RIF1: variants seen among roughly 807,000 people sequenced by gnomAD.
RIF1 encodes the protein telomere-associated protein RIF1.
A neutral mutation model predicts 247.1 loss-of-function variants in RIF1; 45 were observed. The ratio of observed to expected loss-of-function variants is 0.18; its 90% CI spans 0.14 to 0.23. The LOEUF (loss-of-function observed/expected upper bound fraction) is 0.23, where lower values mean the gene tolerates loss of function less well. Ranked by LOEUF, RIF1 falls within the 10% of genes least tolerant of loss-of-function variation. RIF1 has a pLI of 1.00. For missense variants in RIF1, 2,967 were observed against 2,862.5 expected (o/e 1.04, Z -0.83); for synonymous variants, 1,087 against 978.8 (o/e 1.11, Z -2.06).
At chr2:151,507,751 C>T (rs1208859773) in exon 14 of RIF1, 2 of 419,726 alleles carry the variant, frequency 4.8e-6, no homozygotes, top group Non-Finnish European at 8.6e-6. Flanking sequence ...TGAACCTTGC[C>T]ATGGGTGAGG....
chr2:151,462,569 AAAATTTATTGT>A, intron 29 of RIF1, 103 bp downstream of exon 29: 5 of 747,184 alleles, frequency 6.7e-6, no homozygotes, highest in Non-Finnish European at 1.1e-5. Flanking sequence ...TATTAATTTT[AAAATTTATTGT>A]AGATTTATTG....
intron 9 of RIF1, chr2:151,490,204 A>G: frequency 8.6e-7 from 1 of 1,169,568 alleles, no homozygotes; most frequent in Non-Finnish European, 1.2e-6. Flanking sequence ...GAAATCAAAG[A>G]AAATGAAACA....
At chr2:151,437,386 G>A (rs367560689) in intron 13 of RIF1, 35 bp downstream of exon 13, 2 of 1,528,532 alleles carry the variant, frequency 1.3e-6, no homozygotes, top group African/African-American at 1.4e-5. Context: ...GCTCAAATGT[G>A]TGTTTAAAAA....
chr2:151,416,666 C>T lies in RIF1; in HGVS notation c.386C>T (p.Pro129Leu). 3 of 1,612,694 alleles carry T rather than the reference C, an allele frequency of 1.9e-6. No individual in the cohort carries two copies. Among genetic ancestry groups the T allele is most frequent in the Non-Finnish European group, 2.5e-6 (3 of 1,179,674 alleles). ...TGGGTGATATCTAAGCAGACATTTC[C>T]CTCTGAAGTGGTTGGCAAAATGGTG... ...ALWVISKQTFPSEVVGKMVSS... is the reference protein window; with the variant it reads ...ALWVISKQTFLSEVVGKMVSS... Residue 129 changes from proline to leucine, a missense_variant, in exon 5 of 36, where the codon CCC (proline) becomes CTC (leucine). By Grantham distance (98) the Pro-to-Leu change is moderately conservative. Transcript: ENST00000444746.
chr2:151,491,841 C>T (rs2056842409), intron 9 of RIF1: 2 of 1,325,990 alleles, frequency 1.5e-6, no homozygotes, highest in Non-Finnish European at 2.1e-6. Context: ...AAAACCAAGG[C>T]ATGAATTTTA....
intron 3 of RIF1, among the ~76,000 whole-genome samples, chr2:151,412,283 C>G (rs1686379705): frequency 6.9e-6 from 1 of 144,648 alleles, no homozygotes; most frequent in African/African-American, 2.4e-5. Flanking sequence ...TTTTTATGAC[C>G]TTGTTCTCTT....
At chr2:151,460,184 T>C in intron 26 of RIF1, 65 bp downstream of exon 26, 8 of 1,235,618 alleles carry the variant, frequency 6.5e-6, no homozygotes, top group Non-Finnish European at 1.1e-6. Flanking sequence ...CATACAACTT[T>C]AAAAATTGGA....
downstream of RIF1, among the ~76,000 whole-genome samples, chr2:151,483,540 T>C (rs192146843): frequency 3.9e-4 from 59 of 152,296 alleles, 1 homozygote; most frequent in African/African-American, 1.4e-3. Context: ...TCTCTACTTT[T>C]ATATATACAG....
chr2:151,500,723 A>G (rs1369532965), intron 11 of RIF1, among the ~76,000 whole-genome samples: 1 of 150,148 alleles, frequency 6.7e-6, no homozygotes, highest in Non-Finnish European at 1.5e-5. Flanking sequence ...TCAGCCTCCC[A>G]AGTAGCTGAG....
At chr2:151,531,943 G>T in the RIF1 span, 1 of 1,229,604 alleles carries the variant, frequency 8.1e-7, no homozygotes, top group Non-Finnish European at 1.2e-6. Flanking sequence ...TGTAGAGTGG[G>T]CTTTAAGGTA....
chr2:151,524,710 A>G, the RIF1 span: 2 of 957,394 alleles, frequency 2.1e-6, no homozygotes, highest in South Asian at 3.1e-5. Flanking sequence ...TCTGTTGCCC[A>G]GGCTTGAGTG....
At chr2:151,488,601 A>G (rs1218948638) in intron 9 of RIF1, among the ~76,000 whole-genome samples, 1 of 152,108 alleles carries the variant, frequency 6.6e-6, no homozygotes, top group Non-Finnish European at 1.5e-5. Flanking sequence ...AGCTGTGATC[A>G]TGCCACCACA....
At chr2:151,414,587 T>G (rs531996580) in intron 3 of RIF1, among the ~76,000 whole-genome samples, 3 of 152,342 alleles carry the variant, frequency 2.0e-5, no homozygotes, top group African/African-American at 7.2e-5. Flanking sequence ...TGTAGAGATA[T>G]CCTTTATCTT....
rs1196250709 is a variant in RIF1 at position 151,438,753 on chromosome 2, A to G, written c.1546+7A>G. The G allele has an allele frequency of 2.5e-6, 4 of 1,583,918 alleles. No individual in the cohort carries two copies. The highest frequency in any genetic ancestry group is 2.6e-6 in the Non-Finnish European group (3 of 1,152,792). On this transcript the variant is annotated splice_region_variant and intron_variant, in intron 14 of 35. Coordinates refer to ENST00000444746, the MANE Select transcript of RIF1 (RefSeq NM_018151.5). ...AAGTCAGTTACTGAATCAGGTAAGC[A>G]CTATTACACTGATCAAATGTTGTTT...
At chr2:151,430,196 T>C (rs565865933) in intron 9 of RIF1, among the ~76,000 whole-genome samples, 1 of 152,196 alleles carries the variant, frequency 6.6e-6, no homozygotes, top group South Asian at 2.1e-4. Flanking sequence ...AATTTTTTTG[T>C]ATTTTTAGTA....
chr2:151,518,842 G>T, the RIF1 span: 1 of 656,274 alleles, frequency 1.5e-6, no homozygotes, highest in Non-Finnish European at 2.7e-6. Flanking sequence ...ACACTCAAAT[G>T]AGAACAGTTT....
At chr2:151,415,454 C>A (rs1234900121) in intron 4 of RIF1, among the ~76,000 whole-genome samples, 1 of 146,394 alleles carries the variant, frequency 6.8e-6, no homozygotes, top group Non-Finnish European at 1.5e-5. Context: ...ATTAGCCGGG[C>A]GTGGTGGCAG....
intron 24 of RIF1, among the ~76,000 whole-genome samples, 197 bp downstream of exon 24, chr2:151,458,160 C>T (rs570381952): frequency 6.6e-6 from 1 of 150,694 alleles, no homozygotes; most frequent in Admixed American, 6.6e-5. Flanking sequence ...ATCTTGATTT[C>T]AGGAGCCAAG....
At chr2:151,413,028 G>T (rs1686542862) in intron 3 of RIF1, among the ~76,000 whole-genome samples, 1 of 151,512 alleles carries the variant, frequency 6.6e-6, no homozygotes, top group African/African-American at 2.4e-5. Flanking sequence ...GTATTTATAG[G>T]ATCAGGAATT....
Sources: allele counts gnomAD v4.1 joint callset (sites outside exome capture counted in the v4.1 genomes callset), GRCh38; gene constraint gnomAD v4.1.1; transcripts MANE v1.5; gene names NCBI Gene and HGNC (gene_info 2026-07-23, HGNC 2026-07-21).